SSBP2: variants seen among roughly 807,000 people sequenced by gnomAD.
SSBP2 encodes the protein single stranded DNA binding protein 2, also known as single-stranded DNA-binding protein 2.
Under a neutral mutation model 61.8 loss-of-function variants are expected in SSBP2, and 17 were observed. The ratio of observed to expected loss-of-function variants is 0.28; its 90% confidence interval spans 0.19 to 0.41. SSBP2 has a LOEUF of 0.41. Ranked by LOEUF, SSBP2 falls within the 10% of genes least tolerant of loss-of-function variation. The pLI is 1.00. For synonymous variants in SSBP2, 139 were observed against 141.3 expected (o/e 0.98, Z 0.12); for missense variants, 310 against 458.7 (o/e 0.68, Z 2.96).
intron 4 of SSBP2, 149 bp from the exon 5 acceptor site, chr5:81,513,866 T>C: frequency 1.8e-6 from 1 of 548,138 alleles, no homozygotes; most frequent in East Asian, 3.1e-5. Context: ...TAAACTGAGA[T>C]ACAACAGTTT....
intron 4 of SSBP2, among the ~76,000 whole-genome samples, chr5:81,518,135 T>G (rs1769179137): frequency 6.6e-6 from 1 of 152,074 alleles, no homozygotes; most frequent in Non-Finnish European, 1.5e-5. Context: ...AATAATTTCA[T>G]GTGTATGAAA....
intron 1 of SSBP2, among the ~76,000 whole-genome samples, chr5:81,705,262 CTCT>C (rs931366098): frequency 6.6e-6 from 1 of 152,028 alleles, no homozygotes; most frequent in Admixed American, 6.6e-5. Context: ...TTCTATACTC[CTCT>C]TATTAATCTG....
intron 6 of SSBP2, among the ~76,000 whole-genome samples, chr5:81,476,498 G>A (rs528280237): frequency 6.6e-6 from 1 of 152,198 alleles, no homozygotes; most frequent in Non-Finnish European, 1.5e-5. Flanking sequence ...CATGGTGTCT[G>A]ATGTTTCTTT....
At chr5:81,469,528 C>T (rs1366436431) in intron 8 of SSBP2, among the ~76,000 whole-genome samples, 1 of 151,736 alleles carries the variant, frequency 6.6e-6, no homozygotes, top group Non-Finnish European at 1.5e-5. Flanking sequence ...CTAGACTTTC[C>T]CCATTATATA....
chr5:81,464,198 T>C (rs1764739913), intron 9 of SSBP2, among the ~76,000 whole-genome samples: 1 of 152,182 alleles, frequency 6.6e-6, no homozygotes, highest in Non-Finnish European at 1.5e-5. Flanking sequence ...CCTCGTAGTA[T>C]TGCTTAATAG....
chr5:81,485,971 T>C (rs1766350321), intron 6 of SSBP2, among the ~76,000 whole-genome samples: 1 of 152,206 alleles, frequency 6.6e-6, no homozygotes. Context: ...ATTATTTATA[T>C]TATTAACACA....
intron 16 of SSBP2, among the ~76,000 whole-genome samples, chr5:81,426,348 C>A (rs1411606194): frequency 1.3e-5 from 2 of 152,222 alleles, no homozygotes; most frequent in African/African-American, 4.8e-5. Flanking sequence ...GCTTCCAAGG[C>A]TGTACTACCC....
intron 1 of SSBP2, among the ~76,000 whole-genome samples, chr5:81,653,728 G>C (rs1749962330): frequency 6.6e-6 from 1 of 152,004 alleles, no homozygotes; most frequent in South Asian, 2.1e-4. Flanking sequence ...ATGTTTGTTG[G>C]CTGCATAAAT....
At chr5:81,468,695 A>G (rs770995706) in intron 8 of SSBP2, among the ~76,000 whole-genome samples, 2 of 152,124 alleles carry the variant, frequency 1.3e-5, no homozygotes, top group South Asian at 2.1e-4. Flanking sequence ...AAATAAATCA[A>G]AGAGAGCAGG....
chr5:81,600,397 C>T (rs1376882026), intron 4 of SSBP2, among the ~76,000 whole-genome samples: 2 of 151,694 alleles, frequency 1.3e-5, no homozygotes, highest in Non-Finnish European at 2.9e-5. Flanking sequence ...CCTGTCTCTA[C>T]TAAAAATACA....
At chr5:81,534,245 C>T (rs781152768) in intron 4 of SSBP2, among the ~76,000 whole-genome samples, 1 of 152,038 alleles carries the variant, frequency 6.6e-6, no homozygotes, top group Non-Finnish European at 1.5e-5. Flanking sequence ...CACAAGTTAC[C>T]ACCACATTAC....
At chr5:81,497,164 A>G (rs1270193702) in intron 5 of SSBP2, among the ~76,000 whole-genome samples, 1 of 152,160 alleles carries the variant, frequency 6.6e-6, no homozygotes, top group Non-Finnish European at 1.5e-5. Context: ...TTTTTGGTGG[A>G]GTTTTGACAA....
At chr5:81,534,550 A>C (rs999125378) in intron 4 of SSBP2, among the ~76,000 whole-genome samples, 1 of 152,132 alleles carries the variant, frequency 6.6e-6, no homozygotes, top group Non-Finnish European at 1.5e-5. Context: ...GAGATCAAAA[A>C]CACTGTTACA....
chr5:81,674,165 T>C (rs1751789550), intron 1 of SSBP2, among the ~76,000 whole-genome samples: 1 of 152,094 alleles, frequency 6.6e-6, no homozygotes, highest in Admixed American at 6.6e-5. Context: ...AAAAATACTA[T>C]AAAACATCAT....
At chr5:81,562,740 CAT>C (rs1048682739) in intron 4 of SSBP2, among the ~76,000 whole-genome samples, 1 of 152,150 alleles carries the variant, frequency 6.6e-6, no homozygotes, top group African/African-American at 2.4e-5. Context: ...CCAGTATTTC[CAT>C]ATATGGGCAA....
At chr5:81,577,862 T>C (rs567195186) in intron 4 of SSBP2, among the ~76,000 whole-genome samples, 1 of 152,210 alleles carries the variant, frequency 6.6e-6, no homozygotes, top group Admixed American at 6.5e-5. Context: ...TCGTTATTAA[T>C]AGCAATAGTA....
chr5:81,531,922 ATGAGT>A, intron 4 of SSBP2, among the ~76,000 whole-genome samples: 1 of 152,136 alleles, frequency 6.6e-6, no homozygotes, highest in Non-Finnish European at 1.5e-5. Context: ...GAAAGCAGAA[ATGAGT>A]TGAGGTGAAA....
intron 1 of SSBP2, among the ~76,000 whole-genome samples, chr5:81,671,410 G>A (rs185677957): frequency 8.3e-4 from 126 of 152,124 alleles, no homozygotes; most frequent in African/African-American, 2.9e-3. Flanking sequence ...TCTACTTTGT[G>A]TAAAGTACTG....
intron 12 of SSBP2, chr5:81,443,331 C>A (rs1277061749): frequency 1.3e-5 from 2 of 152,050 alleles, no homozygotes; most frequent in East Asian, 3.8e-4. Flanking sequence ...ATAAAAATAT[C>A]TGTACTGCAT....
Sources: gnomAD v4.1 joint callset for allele counts (sites outside exome capture counted in the v4.1 genomes callset) on GRCh38, gnomAD v4.1.1 for gene constraint, MANE v1.5 for transcripts, NCBI Gene and HGNC (gene_info 2026-07-23, HGNC 2026-07-21) for gene names.